Variants in SLC34A2 observed in about 807,000 individuals in gnomAD.
The protein encoded by SLC34A2 is solute carrier family 34 member 2.
A neutral mutation model predicts 50.8 loss-of-function variants in SLC34A2; 41 were observed. The observed-to-expected ratio is 0.81, with a 90% CI of 0.63 to 1.05. The LOEUF is 1.05. Among genes scored for constraint, SLC34A2 ranks in the 50% least tolerant of loss-of-function variants. SLC34A2 has a pLI of 0.00. For synonymous variants in SLC34A2, 401 were observed against 364.2 expected (o/e 1.10, Z -1.15); for missense variants, 879 against 876.7 (o/e 1.00, Z -0.03).
intron 1 of SLC34A2, among the ~76,000 whole-genome samples, chr4:25,660,337 G>A (rs114173592): frequency 1.6e-4 from 24 of 152,316 alleles, no homozygotes; most frequent in Non-Finnish European, 3.2e-4. Context: ...GAATTTCTGA[G>A]AGGAAATATT....
At chr4:25,669,131 A>G (rs767644006) in intron 6 of SLC34A2, among the ~76,000 whole-genome samples, 8 of 152,136 alleles carry the variant, frequency 5.3e-5, no homozygotes, top group Non-Finnish European at 8.8e-5. Context: ...TTTAAGTTAA[A>G]TTTTTTTATT....
intron 3 of SLC34A2, among the ~76,000 whole-genome samples, chr4:25,663,573 G>C (rs899802844): frequency 6.6e-6 from 1 of 152,182 alleles, no homozygotes; most frequent in Non-Finnish European, 1.5e-5. Flanking sequence ...ATGTAGGGCA[G>C]AAGGTCTGTC....
Position 25,670,738 on chromosome 4 carries a change from C to T in SLC34A2, c.832C>T (p.Leu278=), listed in dbSNP as rs758026618. The change falls in exon 8 of 13, where the codon CTG becomes TTG. Residue 278 remains leucine (L), a splice_region_variant and synonymous_variant. Coordinates refer to ENST00000382051, the MANE Select transcript of SLC34A2 (RefSeq NM_006424.3). ...GGTTTCCTGTCTACTGTTTCCACAGCTGGATAAAAAAGTTATCAGCCAAAT... is the reference window on the plus strand; with the variant it reads ...GGTTTCCTGTCTACTGTTTCCACAGTTGGATAAAAAAGTTATCAGCCAAAT... ...TKPFTKLIVQ[L]DKKVISQIAM... is the part of the protein sequence containing the mutation. 3.1e-5 allele frequency: 50 copies of T among 1,612,476 alleles called. No individual in the cohort carries two copies. Among genetic ancestry groups the T allele is most frequent in the Non-Finnish European group, 4.2e-5 (49 of 1,178,790 alleles).
In SLC34A2 at chr4:25,674,631, T is replaced by C. The variant is rs201004106; in HGVS notation, c.1458+2T>C. 4.0e-5 allele frequency: 64 copies of C among 1,614,068 alleles called. No homozygotes were observed. Among genetic ancestry groups the C allele is most frequent in the African/African-American group, 1.3e-5 (1 of 74,934 alleles). On this transcript the variant is annotated splice_donor_variant, in intron 12 of 12. Transcript: ENST00000382051. LOFTEE classifies it high-confidence loss of function. ...AATGCATTGAGGAGTTCACTCCAGG[T>C]CAGGACTTGGGGCACGGGGACAGGG...
intron 7 of SLC34A2, 26 bp from the exon 8 acceptor site, chr4:25,670,712 T>G: frequency 6.3e-7 from 1 of 1,584,292 alleles, no homozygotes; most frequent in Non-Finnish European, 8.7e-7. Flanking sequence ...GATATGCTGA[T>G]GGTTTCCTGT....
chr4:25,667,870 C>T lies in SLC34A2; in HGVS notation c.524-10C>T, dbSNP rs781428760. The T allele has an allele frequency of 2.5e-6, 4 of 1,591,334 alleles. No individual in the cohort carries two copies. Among genetic ancestry groups the T allele is most frequent in the Non-Finnish European group, 3.5e-6 (4 of 1,159,382 alleles). On this transcript the variant is annotated splice_polypyrimidine_tract_variant and intron_variant, in intron 5 of 12. Transcript: ENST00000382051. ...TCTAAGCTTGCTAATGGTACTTTTCCATCCTCTAGTGCTCACTGTTCGGGC... is the reference window on the plus strand; with the variant it reads ...TCTAAGCTTGCTAATGGTACTTTTCTATCCTCTAGTGCTCACTGTTCGGGC...
At chr4:25,666,039 T>C in intron 4 of SLC34A2, 89 bp from the exon 5 acceptor site, 2 of 1,550,382 alleles carry the variant, frequency 1.3e-6, no homozygotes, top group Admixed American at 1.7e-5. Flanking sequence ...CCAGCTGGCC[T>C]TGGATGGAGA....
At chr4:25,665,457 C>G in intron 4 of SLC34A2, among the ~76,000 whole-genome samples, 1 of 152,042 alleles carries the variant, frequency 6.6e-6, no homozygotes. Flanking sequence ...TGTGAGCCAC[C>G]GTGCCTGGCC....
intron 12 of SLC34A2, 39 bp downstream of exon 12, chr4:25,674,668 G>T (rs1328549476): frequency 6.2e-7 from 1 of 1,613,004 alleles, no homozygotes; most frequent in Non-Finnish European, 8.5e-7. Flanking sequence ...CCCTGGGAGT[G>T]GGACCACCCA....
intron 4 of SLC34A2, among the ~76,000 whole-genome samples, 197 bp downstream of exon 4, chr4:25,664,527 C>T (rs1188688604): frequency 6.6e-6 from 1 of 152,238 alleles, no homozygotes; most frequent in Non-Finnish European, 1.5e-5. Flanking sequence ...AGGGCTATGA[C>T]TTGGCCCAGG....
Position 25,676,319 on chromosome 4 carries a change from C to T in SLC34A2, c.1643C>T (p.Ser548Leu), listed in dbSNP as rs771292841. The T allele has an allele frequency of 1.2e-6, 2 of 1,614,204 alleles. No homozygotes were observed. The highest frequency in any genetic ancestry group is 1.1e-5 in the South Asian group (1 of 91,078). Residue 548 changes from serine (S) to leucine (L), a missense_variant, in exon 13 of 13, where the codon TCG (serine) becomes TTG (leucine). Coordinates refer to ENST00000382051, the MANE Select transcript of SLC34A2 (RefSeq NM_006424.3). ...FLIPLTVFGL[S>L]LAGWRVLVGV... The stretch of plus-strand genomic sequence containing the variant: ...ATCCCGCTGACGGTGTTTGGCCTCT[C>T]GCTGGCCGGCTGGCGGGTGCTGGTT...
chr4:25,656,164 G>C (rs1425260049), intron 1 of SLC34A2, among the ~76,000 whole-genome samples: 1 of 152,174 alleles, frequency 6.6e-6, no homozygotes, highest in Non-Finnish European at 1.5e-5. Context: ...TCACTGTTTT[G>C]AGAGTCGTGG....
At position 25,673,118 on chromosome 4, in the gene SLC34A2, G is replaced by C. The variant is rs546457472; in HGVS notation, c.1080G>C (p.Pro360=). The change falls in exon 10 of 13, where the codon CCG becomes CCC. Residue 360 remains proline (P), a synonymous_variant. Coordinates refer to ENST00000382051, the MANE Select transcript of SLC34A2 (RefSeq NM_006424.3). ...CQHIFVNFHL[P]DLAVGTILLI... ...ATATCTTTGTGAATTTCCACCTCCCGGATCTTGCTGTGGGCACCATCTTGC... is the reference window on the plus strand; with the variant it reads ...ATATCTTTGTGAATTTCCACCTCCCCGATCTTGCTGTGGGCACCATCTTGC... The C allele has an allele frequency of 6.2e-7, 1 of 1,614,018 alleles. No individual in the cohort carries two copies. The highest frequency in any genetic ancestry group is 8.5e-7 in the Non-Finnish European group (1 of 1,180,002).
At position 25,666,224 on chromosome 4, in the gene SLC34A2, G is replaced by A. The variant is rs748188355; in HGVS notation, c.476G>A (p.Ser159Asn). The A allele has an allele frequency of 6.2e-7, 1 of 1,613,908 alleles. No homozygotes were observed. The highest frequency in any genetic ancestry group is 2.2e-5 in the East Asian group (1 of 44,894). The change falls in exon 5 of 13, where the codon AGC (serine) becomes AAC (asparagine). Residue 159 changes from serine to asparagine, a missense_variant. Coordinates refer to ENST00000382051, the MANE Select transcript of SLC34A2 (RefSeq NM_006424.3). Reference protein sequence around the residue: ...IGVLVTVLVQSSSTSTSIVVS... With the variant: ...IGVLVTVLVQNSSTSTSIVVS... ...GTGCTGGTGACCGTCTTGGTGCAGA[G>A]CTCCAGCACCTCAACGTCCATCGTT...
intron 6 of SLC34A2, among the ~76,000 whole-genome samples, chr4:25,668,230 A>T (rs1714607859): frequency 6.6e-6 from 1 of 152,204 alleles, no homozygotes; most frequent in East Asian, 1.9e-4. Context: ...TTGTTGTAGG[A>T]TTAAATATAC....
At chr4:25,656,835 C>A (rs1713907131) in intron 1 of SLC34A2, among the ~76,000 whole-genome samples, 1 of 152,132 alleles carries the variant, frequency 6.6e-6, no homozygotes, top group Non-Finnish European at 1.5e-5. Flanking sequence ...TGTTTGGGTG[C>A]CCCAGGGGGT....
chr4:25,667,481 C>T (rs979430793), intron 5 of SLC34A2, among the ~76,000 whole-genome samples: 4 of 152,138 alleles, frequency 2.6e-5, no homozygotes, highest in African/African-American at 9.7e-5. Flanking sequence ...CACTGCTCTC[C>T]AGCCTGGGAG....
At chr4:25,663,670 A>G (rs1469399279) in intron 3 of SLC34A2, among the ~76,000 whole-genome samples, 1 of 152,132 alleles carries the variant, frequency 6.6e-6, no homozygotes, top group Non-Finnish European at 1.5e-5. Context: ...GAGGGGGAAG[A>G]TGAGAACCAT....
rs1016252352 is a variant in SLC34A2, at chr4:25,676,542, C to A, written c.1866C>A (p.Cys622Ter). 1 of 1,613,436 alleles carries A rather than the reference C, an allele frequency of 6.2e-7. No homozygotes were observed. The highest frequency in any genetic ancestry group is 1.7e-5 in the Admixed American group (1 of 60,008). Residue 622 changes from cysteine (C) to a stop codon, truncating the protein, a stop_gained, in exon 13 of 13, where the codon TGC becomes TGA. Coordinates refer to ENST00000382051, the MANE Select transcript of SLC34A2 (RefSeq NM_006424.3). LOFTEE classifies it low-confidence loss of function (END_TRUNC). ...TCCAGATGCGCTGCTGCTGCTGCTG[C>A]CGCGTGTGCTGCCGCGCGTGCTGCT... is the stretch of plus-strand genomic sequence containing the variant. ...GCFQMRCCCC[C>*]RVCCRACCLL...
Sources: allele counts gnomAD v4.1 joint callset (sites outside exome capture counted in the v4.1 genomes callset), GRCh38; gene constraint gnomAD v4.1.1; transcripts MANE v1.5; gene names NCBI Gene and HGNC (gene_info 2026-07-23, HGNC 2026-07-21).